The following TNS2 variants were observed in gnomAD, a reference collection of about 807,000 sequenced individuals.
TNS2 encodes tensin 2.
In TNS2, 77 loss-of-function variants were observed where a neutral mutation model predicts 155.7. That is an observed-to-expected ratio of 0.49 (90% CI 0.41 to 0.60). TNS2 has a LOEUF of 0.60. Ranked by LOEUF, TNS2 falls within the 20% of genes least tolerant of loss-of-function variation. The pLI, the probability that TNS2 is intolerant of heterozygous loss-of-function variation, is 0.00. For missense variants in TNS2, 1,703 were observed against 1,868.8 expected, an observed-to-expected ratio of 0.91 and a Z score of 1.64; for synonymous variants, 726 against 763.9, an observed-to-expected ratio of 0.95 and a Z score of 0.82.
chr12:53,058,830 G>A lies in TNS2; in HGVS notation c.1405+3G>A, dbSNP rs1437400905. 7.4e-6 allele frequency: 12 copies of A among 1,612,906 alleles called. No individual in the cohort carries two copies. The highest frequency in any genetic ancestry group is 1.7e-5 in the Admixed American group (1 of 60,000). On this transcript the variant is annotated splice_donor_region_variant and intron_variant, in intron 17 of 28. Coordinates refer to ENST00000314250, the MANE Select transcript of TNS2 (RefSeq NM_170754.4). Reference sequence around the variant, plus strand: ...GCACCACGAGGACAGTGTGGATGGTGCGCAGGCAGCCTGCAGGGTGGGAGG... The same window carrying A: ...GCACCACGAGGACAGTGTGGATGGTACGCAGGCAGCCTGCAGGGTGGGAGG...
At position 53,050,167 on chromosome 12, in the gene TNS2, C is replaced by G. The variant is rs1009776949; in HGVS notation, c.-19C>G. 7 of 1,608,144 alleles carry G rather than the reference C, an allele frequency of 4.4e-6. No homozygotes were observed. Among genetic ancestry groups the G allele is most frequent in the Non-Finnish European group, 5.1e-6 (6 of 1,178,248 alleles). On this transcript the variant is annotated 5_prime_UTR_variant, in exon 1 of 29. Coordinates refer to ENST00000314250, the MANE Select transcript of TNS2 (RefSeq NM_170754.4). This position sits in a 1 kb window ranked among gnomAD's most constrained non-coding sequence, Gnocchi z 4.7. The stretch of plus-strand genomic sequence containing the variant: ...CATTGTTCAGGCCCTGGGGCCAGCA[C>G]CCCAGCCAGCCGAACACCATGAAGT...
intron 13 of TNS2, 21 bp downstream of exon 13, chr12:53,057,854 C>T (rs2121125266): frequency 6.2e-7 from 1 of 1,613,766 alleles, no homozygotes; most frequent in Non-Finnish European, 8.5e-7. Context: ...TATTCCCAGG[C>T]CCCTGACACT....
At chr12:53,058,942 C>T in intron 17 of TNS2, 105 bp from the exon 18 acceptor site, 1 of 1,550,440 alleles carries the variant, frequency 6.4e-7, no homozygotes. Context: ...CCGAGAGACA[C>T]CCCCGGCCCG....
In TNS2 at chr12:53,058,973, C is replaced by A. The variant is rs924264941; in HGVS notation, c.1406-74C>A. On this transcript the variant is annotated intron_variant, in intron 17 of 28. Transcript: ENST00000314250. ...GCCCGACAGCTGTCTCCAGTGCCAT[C>A]CCCTCTCATGAATTTTCTCTCTCCC... 9 of 1,538,694 alleles carry A rather than the reference C, an allele frequency of 5.8e-6. No individual in the cohort carries two copies. In the Admixed American group the frequency reaches 1.5e-4, roughly 25 times the overall value.
Position 53,063,491 on chromosome 12 carries a change from A to G in TNS2, c.4062-72A>G, listed in dbSNP as rs537018221. On this transcript the variant is annotated intron_variant, in intron 27 of 28. Transcript: ENST00000314250. The surrounding 1 kb of genome is among the most constrained non-coding windows in gnomAD (Gnocchi z 5.6). ...GGTCCCAGCTCCCAGCCCCAGCCCC[A>G]GCCCCGGCCCCGGCCCCCCTTCAGC... 6.1e-5 allele frequency: 50 copies of G among 815,938 alleles called. 1 individual carries two copies. The highest frequency in any genetic ancestry group is 3.8e-4 in the South Asian group (27 of 71,730). The allele number at this position is 815,938 out of a possible 1,614,324, so 50.5% of individuals were successfully genotyped here.
At chr12:53,055,719 C>G (rs1336593609) in intron 9 of TNS2, 29 bp downstream of exon 9, 4 of 1,614,200 alleles carry the variant, frequency 2.5e-6, no homozygotes, top group East Asian at 2.2e-5. Flanking sequence ...TTCCCTGGTG[C>G]CTGGAGGTTC....
chr12:53,062,477 C>G, intron 24 of TNS2, 24 bp downstream of exon 24: 2 of 1,612,734 alleles, frequency 1.2e-6, no homozygotes, highest in Non-Finnish European at 1.7e-6. Context: ...CATCTGTCCT[C>G]CCCACCTCTC....
At chr12:53,053,557 C>T (rs764479241) in intron 4 of TNS2, 108 bp downstream of exon 4, 1 of 1,461,038 alleles carries the variant, frequency 6.8e-7, no homozygotes, top group Non-Finnish European at 9.5e-7. Flanking sequence ...GAACGGAGTG[C>T]TGTGGGTATT....
chr12:53,052,296 C>T (rs1371599463), intron 2 of TNS2, 159 bp from the exon 3 acceptor site: 25 of 898,098 alleles, frequency 2.8e-5, no homozygotes, highest in Non-Finnish European at 4.1e-5. Context: ...ACTCTTCCCT[C>T]AAAACCTAGC....
chr12:53,054,418 T>C lies in TNS2; in HGVS notation c.499T>C (p.Ser167Pro), dbSNP rs1944058874. The C allele has an allele frequency of 1.9e-6, 3 of 1,604,624 alleles. No homozygotes were observed. Among genetic ancestry groups the C allele is most frequent in the African/African-American group, 1.3e-5 (1 of 74,364 alleles). ...HLRELAHVLQ[S>P]KHRDKYLLFN... is the part of the protein sequence containing the mutation. Reference sequence around the variant, plus strand: ...GCGCGAGCTGGCCCATGTGCTGCAATCCAAGCACCGGGACAAGTACCTGGT... The same window carrying C: ...GCGCGAGCTGGCCCATGTGCTGCAACCCAAGCACCGGGACAAGTACCTGGT... Residue 167 changes from serine (S) to proline (P), a missense_variant, in exon 7 of 29, where the codon TCC becomes CCC. Coordinates refer to ENST00000314250, the MANE Select transcript of TNS2 (RefSeq NM_170754.4).
chr12:53,059,018 C>T lies in TNS2; in HGVS notation c.1406-29C>T. Reference sequence around the variant, plus strand: ...TCTCCCTCCCTGTTCCCCGCTTGCCCTCCCTCCCTGATCCTCTTCCCCACT... The same window carrying T: ...TCTCCCTCCCTGTTCCCCGCTTGCCTTCCCTCCCTGATCCTCTTCCCCACT... On this transcript the variant is annotated intron_variant, in intron 17 of 28. Transcript: ENST00000314250. This position sits in a 1 kb window ranked among gnomAD's most constrained non-coding sequence, Gnocchi z 4.7. 1 of 1,538,418 alleles carries T rather than the reference C, an allele frequency of 6.5e-7. No homozygotes were observed. Among genetic ancestry groups the T allele is most frequent in the Non-Finnish European group, 8.8e-7 (1 of 1,142,026 alleles).
At chr12:53,047,424 C>A (rs1473833806), upstream of TNS2, among the ~76,000 whole-genome samples, 7 of 144,400 alleles carry the variant, frequency 4.8e-5, no homozygotes, top group Non-Finnish European at 9.2e-5. Context: ...GTCACGGCCG[C>A]GCGGGCAGTG....
intron 4 of TNS2, 151 bp from the exon 5 acceptor site, chr12:53,053,623 T>C (rs1944022879): frequency 7.3e-7 from 1 of 1,376,346 alleles, no homozygotes; most frequent in South Asian, 1.3e-5. Context: ...TCTTGTGCCC[T>C]TGGGCCTGCT....
Position 53,063,073 on chromosome 12 carries a change from C to A in TNS2, c.3824-16C>A. Reference sequence around the variant, plus strand: ...GGATGGGCACTCCCTCCCTGACCCACTCCCTGCCCCTGTAGCCTGCAGCGT... The same window carrying A: ...GGATGGGCACTCCCTCCCTGACCCAATCCCTGCCCCTGTAGCCTGCAGCGT... On this transcript the variant is annotated splice_polypyrimidine_tract_variant and intron_variant, in intron 25 of 28. Transcript: ENST00000314250. This position sits in a 1 kb window ranked among gnomAD's most constrained non-coding sequence, Gnocchi z 5.6. 6.6e-7 allele frequency: 1 copy of A among 1,518,288 alleles called. No homozygotes were observed. 94.1% of individuals were successfully genotyped at this position (1,518,288 alleles called of 1,614,324 possible). A position where few individuals can be genotyped will look rare whatever the true frequency, so the allele number is the denominator to read the frequency against.
intron 21 of TNS2, 93 bp from the exon 22 acceptor site, chr12:53,061,722 A>G (rs1046764265): frequency 6.5e-7 from 1 of 1,543,870 alleles, no homozygotes; most frequent in African/African-American, 1.4e-5. Context: ...GGCAGAGACC[A>G]TGGAGCTTGG....
upstream of TNS2, among the ~76,000 whole-genome samples, chr12:53,047,386 G>GC (rs1334404726): frequency 1.4e-5 from 2 of 145,874 alleles, no homozygotes; most frequent in African/African-American, 4.9e-5. Context: ...GAGTGGCCGC[G>GC]CCGCGCTGGG....
Position 53,060,938 on chromosome 12 carries a change from GCCT to G in TNS2, c.3035_3037del (p.Leu1012del). ...AGCCCTGTGCCCACCACACTTCCTG[GCCT>G]CCGCCACGCCCCCTGGCAAGGCCCT... On this transcript the variant is annotated inframe_deletion, in exon 20 of 29. Coordinates refer to ENST00000314250, the MANE Select transcript of TNS2 (RefSeq NM_170754.4). This position sits in a 1 kb window ranked among gnomAD's most constrained non-coding sequence, Gnocchi z 6.1. 1.3e-6 allele frequency: 2 copies of G among 1,599,222 alleles called. No homozygotes were observed. Among genetic ancestry groups the G allele is most frequent in the Non-Finnish European group, 1.7e-6 (2 of 1,173,276 alleles).
chr12:53,050,169 C>T lies in TNS2; in HGVS notation c.-17C>T, dbSNP rs1211806355. On this transcript the variant is annotated 5_prime_UTR_variant, in exon 1 of 29. Transcript: ENST00000314250. The surrounding 1 kb of genome is among the most constrained non-coding windows in gnomAD (Gnocchi z 4.7). ...TTGTTCAGGCCCTGGGGCCAGCACC[C>T]CAGCCAGCCGAACACCATGAAGTCC... 1 of 1,608,898 alleles carries T rather than the reference C, an allele frequency of 6.2e-7. No individual in the cohort carries two copies. The highest frequency in any genetic ancestry group is 1.1e-5 in the South Asian group (1 of 90,142).
At chr12:53,057,202 G>T (rs754163345) in intron 11 of TNS2, 106 bp downstream of exon 11, 1 of 1,243,116 alleles carries the variant, frequency 8.0e-7, no homozygotes. Flanking sequence ...TGTGCCAAGC[G>T]CCGTGCCAGG....
Sources: gnomAD v4.1 joint callset for allele counts (sites outside exome capture counted in the v4.1 genomes callset) on GRCh38, gnomAD v4.1.1 for gene constraint, Gnocchi (gnomAD v3.1) non-coding constraint, MANE v1.5 for transcripts, NCBI Gene and HGNC (gene_info 2026-07-23, HGNC 2026-07-21) for gene names.